Variants in DCLK1 observed in about 807,000 individuals in gnomAD.
DCLK1 encodes doublecortin like kinase 1, also known as serine/threonine-protein kinase DCLK1.
DCLK1 carries 16 observed loss-of-function variants against 86.2 expected under a neutral mutation model. The observed-to-expected ratio is 0.19, with a 90% CI of 0.13 to 0.28. The LOEUF (loss-of-function observed/expected upper bound fraction) is 0.28. Among genes scored for constraint, DCLK1 ranks in the 10% least tolerant of loss-of-function variants. The probability of loss-of-function intolerance (pLI) is 1.00; values close to 1 mark genes in which losing one functional copy is unlikely to be tolerated. For synonymous variants in DCLK1, 369 were observed against 370.5 expected, an observed-to-expected ratio of 1.00 and a Z score of 0.05; for missense variants, 590 against 940.2, an observed-to-expected ratio of 0.63 and a Z score of 4.87.
chr13:35,873,578 G>A (rs1872423630), intron 4 of DCLK1, among the ~76,000 whole-genome samples: 1 of 151,790 alleles, frequency 6.6e-6, no homozygotes, highest in African/African-American at 2.4e-5. Context: ...TAGAGGTGGG[G>A]TTTCATCATG....
chr13:35,793,384 A>G lies in DCLK1; in HGVS notation c.2040T>C (p.Ala680=), dbSNP rs2086743340. ...NTGPKPNSTA[A]GVSVIATTAL... is the part of the protein sequence containing the mutation. ...TGCTTACTGCTATGACAGAAACTCC[A>G]GCTGCTGTGCTATTCGGCTTGGGGC... Residue 680 remains alanine, a synonymous_variant, in exon 16 of 17, where the codon GCT becomes GCC. Coordinates refer to ENST00000360631, the MANE Select transcript of DCLK1 (RefSeq NM_001330071.2). The G allele has an allele frequency of 1.2e-6, 2 of 1,606,764 alleles. No homozygotes were observed. The highest frequency in any genetic ancestry group is 2.2e-5 in the East Asian group (1 of 44,486).
intron 4 of DCLK1, among the ~76,000 whole-genome samples, chr13:35,919,090 C>T (rs1875622856): frequency 6.6e-6 from 1 of 151,810 alleles, no homozygotes; most frequent in Non-Finnish European, 1.5e-5. Context: ...TTAGTAGAGA[C>T]AAGGTTGGCC....
At position 35,770,096 on chromosome 13, in the gene DCLK1, A is replaced by T. The variant is rs1257368106; in HGVS notation, c.*4439T>A. ...TTAATGTTACTGCATGTATGGTTGC[A>T]TATTTGAGATGATTAAAAATAAAAG... is the stretch of plus-strand genomic sequence containing the variant. On this transcript the variant is annotated 3_prime_UTR_variant, in exon 17 of 17. Transcript: ENST00000360631. 6.6e-6 allele frequency: 1 copy of T among 152,198 alleles called. No individual in the cohort carries two copies. Among genetic ancestry groups the T allele is most frequent in the Non-Finnish European group, 1.5e-5 (1 of 68,034 alleles). The allele number at this position is 152,198 out of a possible 1,614,324, so 9.4% of individuals were successfully genotyped here. A position where few individuals can be genotyped will look rare whatever the true frequency, so the allele number is the denominator to read the frequency against.
At chr13:35,914,332 A>ATATATATATATATACAT (rs1370326616) in intron 4 of DCLK1, among the ~76,000 whole-genome samples, 2 of 74,068 alleles carry the variant, frequency 2.7e-5, no homozygotes, top group South Asian at 5.3e-4. Context: ...AAAAAAAAAA[A>ATATATATATATATACAT]ATATATATAT....
intron 4 of DCLK1, among the ~76,000 whole-genome samples, chr13:35,872,885 C>A (rs1872370042): frequency 6.6e-6 from 1 of 152,102 alleles, no homozygotes; most frequent in African/African-American, 2.4e-5. Context: ...AAGATAGCGA[C>A]ATATTTTATA....
At chr13:35,885,691 A>C (rs1873185278) in intron 4 of DCLK1, among the ~76,000 whole-genome samples, 1 of 152,210 alleles carries the variant, frequency 6.6e-6, no homozygotes, top group Non-Finnish European at 1.5e-5. Context: ...AAAATCAGGC[A>C]TTAAATTAGG....
At chr13:35,792,289 T>C (rs1401173880) in intron 16 of DCLK1, among the ~76,000 whole-genome samples, 1 of 152,176 alleles carries the variant, frequency 6.6e-6, no homozygotes, top group African/African-American at 2.4e-5. Flanking sequence ...ATTTGCAAAT[T>C]CTGGAACCTC....
In DCLK1 at chr13:35,957,120, A is replaced by G. The variant is rs552586990; in HGVS notation, c.724-9663T>C. Among the ~76,000 whole-genome samples, 5 of 152,286 alleles carry G rather than the reference A, an allele frequency of 3.3e-5. No individual in the cohort carries two copies. In the South Asian group the frequency reaches 8.3e-4, roughly 25 times the overall value. ...AGTGTTTATAAGCCTACAAAACACC[A>G]TTAATAGAATAGGTTTGGGGCAAAA... On this transcript the variant is annotated intron_variant, in intron 3 of 16. Coordinates refer to ENST00000360631, the MANE Select transcript of DCLK1 (RefSeq NM_001330071.2).
intron 3 of DCLK1, among the ~76,000 whole-genome samples, chr13:36,014,003 G>A (rs557293470): frequency 1.8e-4 from 28 of 152,278 alleles, no homozygotes; most frequent in East Asian, 1.2e-3. Context: ...TCTTTGACTC[G>A]GAAAGGGAAC....
intron 4 of DCLK1, among the ~76,000 whole-genome samples, chr13:35,907,529 C>A (rs1043044663): frequency 6.6e-6 from 1 of 152,178 alleles, no homozygotes; most frequent in Non-Finnish European, 1.5e-5. Context: ...CCACCTCAGT[C>A]TGTGTGTATG....
intron 2 of DCLK1, among the ~76,000 whole-genome samples, chr13:36,124,081 G>A (rs1483883083): frequency 6.6e-6 from 1 of 152,172 alleles, no homozygotes; most frequent in Non-Finnish European, 1.5e-5. Context: ...GTCAACCCAT[G>A]GCTGTCTTAG....
intron 6 of DCLK1, among the ~76,000 whole-genome samples, chr13:35,840,257 T>C (rs780560346): frequency 6.6e-5 from 10 of 152,158 alleles, no homozygotes; most frequent in Non-Finnish European, 1.3e-4. Flanking sequence ...ATGTACAAAG[T>C]AGGAGGAAAG....
intron 3 of DCLK1, among the ~76,000 whole-genome samples, chr13:36,065,795 T>G (rs1883726194): frequency 6.6e-6 from 1 of 152,168 alleles, no homozygotes. Context: ...AGTTAAATAA[T>G]CATTAACATG....
chr13:35,964,621 C>T (rs888478453), intron 3 of DCLK1, among the ~76,000 whole-genome samples: 2 of 152,094 alleles, frequency 1.3e-5, no homozygotes, highest in African/African-American at 4.8e-5. Flanking sequence ...TTTTATTTTG[C>T]TTGCATCCAA....
At chr13:36,045,050 T>C (rs1882827608) in intron 3 of DCLK1, among the ~76,000 whole-genome samples, 1 of 151,510 alleles carries the variant, frequency 6.6e-6, no homozygotes, top group African/African-American at 2.4e-5. Flanking sequence ...AGTAATAATA[T>C]TCTATTTCTT....
chr13:36,075,882 G>A (rs960024298), intron 3 of DCLK1, among the ~76,000 whole-genome samples: 5 of 151,906 alleles, frequency 3.3e-5, no homozygotes, highest in East Asian at 3.9e-4. Context: ...AAAATTAGCC[G>A]AACACAGTGG....
At chr13:36,122,634 G>A (rs909589571) in intron 2 of DCLK1, among the ~76,000 whole-genome samples, 1 of 152,164 alleles carries the variant, frequency 6.6e-6, no homozygotes, top group Non-Finnish European at 1.5e-5. Flanking sequence ...TGGGGGAAAT[G>A]AGGCCAAGTC....
chr13:35,891,584 C>T (rs1413866921), intron 4 of DCLK1, among the ~76,000 whole-genome samples: 1 of 152,132 alleles, frequency 6.6e-6, no homozygotes, highest in Non-Finnish European at 1.5e-5. Flanking sequence ...TAAAAACCAT[C>T]GAATCGTACA....
chr13:36,046,073 A>G (rs949253961), intron 3 of DCLK1, among the ~76,000 whole-genome samples: 1 of 148,192 alleles, frequency 6.7e-6, no homozygotes, highest in East Asian at 2.0e-4. Flanking sequence ...AAGAATATCT[A>G]AAAAAAAAAC....
Sources: allele counts gnomAD v4.1 joint callset (sites outside exome capture counted in the v4.1 genomes callset), GRCh38; gene constraint gnomAD v4.1.1; transcripts MANE v1.5; gene names NCBI Gene and HGNC (gene_info 2026-07-23, HGNC 2026-07-21).